Variants in WDR81 observed in about 807,000 individuals in gnomAD.
WDR81 encodes WD repeat-containing protein 81.
Under a neutral mutation model 140.8 loss-of-function variants are expected in WDR81, and 92 were observed. The ratio of observed to expected loss-of-function variants is 0.65; its 90% CI spans 0.55 to 0.78. The LOEUF is 0.78. Ranked by LOEUF, WDR81 falls within the 30% of genes least tolerant of loss-of-function variation. The pLI is 0.00. For synonymous variants in WDR81, 1,183 were observed against 1,156.4 expected (o/e 1.02, Z -0.47); for missense variants, 2,502 against 2,636.4 (o/e 0.95, Z 1.12).
upstream of WDR81, among the ~76,000 whole-genome samples, chr17:1,722,347 CT>C (rs543901572): frequency 0.033 from 4,622 of 138,172 alleles, 74 homozygotes; most frequent in Non-Finnish European, 0.048. Context: ...TTTTCTCTCT[CT>C]TTTTTTTTTT....
chr17:1,732,381 T>C lies in WDR81; in HGVS notation c.4214T>C (p.Ile1405Thr). Reference protein sequence around the residue: ...TILCVKTISLIALICLRIGQE... With the variant: ...TILCVKTISLTALICLRIGQE... The stretch of plus-strand genomic sequence containing the variant: ...CTGTGTGTGAAAACCATCAGCCTCA[T>C]CGCCCTCATCTGCCTGCGCATTGGA... The change falls in exon 5 of 10, where the codon ATC becomes ACC. Residue 1405 changes from isoleucine (I) to threonine (T), a missense_variant. Physicochemically the swap from Ile to Thr is moderately conservative, Grantham distance 89. Transcript: ENST00000409644. The C allele has an allele frequency of 6.2e-7, 1 of 1,613,632 alleles. No individual in the cohort carries two copies. The highest frequency in any genetic ancestry group is 8.5e-7 in the Non-Finnish European group (1 of 1,180,024).
chr17:1,725,305 T>C lies in WDR81; in HGVS notation c.346T>C (p.Ser116Pro). ...EVHGLRKRRL[S>P]YPLGGGLPFE... Reference sequence around the variant, plus strand: ...GCATGGGCTGCGGAAGCGGAGACTGTCCTACCCTCTGGGCGGGGGCCTGCC... The same window carrying C: ...GCATGGGCTGCGGAAGCGGAGACTGCCCTACCCTCTGGGCGGGGGCCTGCC... The change falls in exon 1 of 10, where the codon TCC becomes CCC. Residue 116 changes from serine to proline, a missense_variant. Ser to Pro is a moderately conservative substitution (Grantham distance 74). Transcript: ENST00000409644. 6.5e-7 allele frequency: 1 copy of C among 1,548,212 alleles called. No individual in the cohort carries two copies. The highest frequency in any genetic ancestry group is 2.0e-5 in the Admixed American group (1 of 51,014).
chr17:1,736,190 C>T lies in WDR81; in HGVS notation c.5477C>T (p.Ala1826Val), dbSNP rs780051097. Residue 1826 changes from alanine (A) to valine (V), a missense_variant, in exon 9 of 10, where the codon GCC becomes GTC. Ala to Val is a moderately conservative substitution (Grantham distance 64, BLOSUM62 0). Transcript: ENST00000409644. Reference sequence around the variant, plus strand: ...GGCCTGGTTCTGCGAGGCTGGCCAGCCCACGAGGGGGACATTCTGCAGATC... The same window carrying T: ...GGCCTGGTTCTGCGAGGCTGGCCAGTCCACGAGGGGGACATTCTGCAGATC... ...RTGLVLRGWPAHEGDILQIKA... is the reference protein window; with the variant it reads ...RTGLVLRGWPVHEGDILQIKA... The T allele has an allele frequency of 6.3e-7, 1 of 1,598,816 alleles. No homozygotes were observed. The highest frequency in any genetic ancestry group is 8.5e-7 in the Non-Finnish European group (1 of 1,179,554).
upstream of WDR81, among the ~76,000 whole-genome samples, chr17:1,723,457 T>TTTTTTTTATTTATTTA: frequency 7.7e-6 from 1 of 130,538 alleles, no homozygotes; most frequent in East Asian, 2.1e-4. Flanking sequence ...ATTTATTTAT[T>TTTTTTTTATTTATTTA]TTTATTTATT....
chr17:1,730,817 A>G lies in WDR81; in HGVS notation c.3838A>G (p.Ile1280Val), dbSNP rs1351563513. The change falls in exon 3 of 10, where the codon ATC (isoleucine) becomes GTC (valine). Residue 1280 changes from isoleucine (I) to valine (V), a missense_variant. Around this residue, in one of 3 missense-constraint regions of WDR81, gnomAD observed 1,737 missense variants for 1,843.0 expected, o/e 0.94. Transcript: ENST00000409644. ...GAGCCCACCGCTGAGCGCCGGCAACATCTACCAGAAGAGGCCGGTCCTGGG... is the reference window on the plus strand; with the variant it reads ...GAGCCCACCGCTGAGCGCCGGCAACGTCTACCAGAAGAGGCCGGTCCTGGG... ...GESPPLSAGN[I>V]YQKRPVLGDI... 43 of 1,612,482 alleles carry G rather than the reference A, an allele frequency of 2.7e-5. No homozygotes were observed. Among genetic ancestry groups the G allele is most frequent in the Non-Finnish European group, 2.9e-5 (34 of 1,179,948 alleles).
chr17:1,733,412 C>A, intron 6 of WDR81, 115 bp from the exon 7 acceptor site: 2 of 1,055,180 alleles, frequency 1.9e-6, no homozygotes, highest in Non-Finnish European at 2.7e-6. Context: ...AGTTACTTGC[C>A]CAGAGTTGCA....
At chr17:1,736,498 T>C (rs780709784) in intron 9 of WDR81, among the ~76,000 whole-genome samples, 10 of 152,136 alleles carry the variant, frequency 6.6e-5, no homozygotes, top group Non-Finnish European at 1.2e-4. Flanking sequence ...ATGGCGATGT[T>C]CTAATGAGTA....
At chr17:1,719,903 G>A (rs541916134), upstream of WDR81, among the ~76,000 whole-genome samples, 1 of 151,938 alleles carries the variant, frequency 6.6e-6, no homozygotes, top group African/African-American at 2.4e-5. Flanking sequence ...AGGAGGCCGA[G>A]GCAGAGGTTG....
rs987781704 is a variant in WDR81 at position 1,727,126 on chromosome 17, G to A, written c.2167G>A (p.Glu723Lys). Reference sequence around the variant, plus strand: ...TGAGGAGGGGAGGATTCTTCTTCCCGAGGGCTTCAATCCCATGCAGGCCCT... The same window carrying A: ...TGAGGAGGGGAGGATTCTTCTTCCCAAGGGCTTCAATCCCATGCAGGCCCT... ...EGEEGRILLPEGFNPMQALEE... is the reference protein window; with the variant it reads ...EGEEGRILLPKGFNPMQALEE... The change falls in exon 1 of 10, where the codon GAG becomes AAG. Residue 723 changes from glutamate to lysine, a missense_variant. Glu to Lys is a moderately conservative substitution (Grantham distance 56). Transcript: ENST00000409644. The A allele has an allele frequency of 2.5e-5, 38 of 1,546,822 alleles. No individual in the cohort carries two copies. Among genetic ancestry groups the A allele is most frequent in the African/African-American group, 4.1e-5 (3 of 72,880 alleles).
rs569635762 is a variant in WDR81 at position 1,728,479 on chromosome 17, G to C, written c.3520G>C (p.Glu1174Gln). The change falls in exon 1 of 10, where the codon GAG (glutamate) becomes CAG (glutamine). Residue 1174 changes from glutamate to glutamine, a missense_variant. Coordinates refer to ENST00000409644, the MANE Select transcript of WDR81 (RefSeq NM_001163809.2). ...VLEEEEGEQE[E>Q]VTGASELTLS... ...AGAGGAGGAGGAGGGGGAGCAGGAG[G>C]AGGTCACCGGGGCATCTGAGCTCAC... 6.2e-7 allele frequency: 1 copy of C among 1,605,852 alleles called. No individual in the cohort carries two copies. The highest frequency in any genetic ancestry group is 2.2e-5 in the East Asian group (1 of 44,592).
chr17:1,728,503 ACT>A lies in WDR81; in HGVS notation c.3547_3548del (p.Leu1183ValfsTer2), dbSNP rs1262654933. 1 of 1,588,272 alleles carries A rather than the reference ACT, an allele frequency of 6.3e-7. No homozygotes were observed. The highest frequency in any genetic ancestry group is 1.8e-5 in the Admixed American group (1 of 54,916). ...QEEVTGASEL[T>X]LSDTVLSMET... is the part of the protein sequence containing the mutation. ...GGAGGTCACCGGGGCATCTGAGCTC[ACT>A]CTGTCTGACACGGTGCTGTCCATGG... is the stretch of plus-strand genomic sequence containing the variant. On this transcript the variant is annotated frameshift_variant, in exon 1 of 10. Transcript: ENST00000409644. LOFTEE classifies it high-confidence loss of function.
At chr17:1,733,149 T>G (rs1345553267) in intron 6 of WDR81, among the ~76,000 whole-genome samples, 4 of 152,106 alleles carry the variant, frequency 2.6e-5, no homozygotes, top group South Asian at 2.1e-4. Context: ...GCTTCCCCTC[T>G]GGGCCCTGCA....
chr17:1,727,064 G>T lies in WDR81; in HGVS notation c.2105G>T (p.Arg702Leu). Residue 702 changes from arginine to leucine, a missense_variant, in exon 1 of 10, where the codon CGC becomes CTC. Transcript: ENST00000409644. ...GTGGCCTCAGCCTCCCGTCCAGGCC[G>T]CAGGAATAAAGCTGCTGGGGCAGAC... is the stretch of plus-strand genomic sequence containing the variant. ...FSVASASRPG[R>L]RNKAAGADPG... is the part of the protein sequence containing the mutation. 2 of 1,550,120 alleles carry T rather than the reference G, an allele frequency of 1.3e-6. No individual in the cohort carries two copies. The highest frequency in any genetic ancestry group is 2.4e-5 in the East Asian group (1 of 40,930).
At chr17:1,732,542 G>A (rs980523631) in intron 5 of WDR81, 52 bp downstream of exon 5, 10 of 1,596,594 alleles carry the variant, frequency 6.3e-6, no homozygotes, top group African/African-American at 1.3e-5. Context: ...TGTGGACCTG[G>A]GTGACCCCCT....
chr17:1,718,588 T>C (rs961151911), intron 1 of WDR81, among the ~76,000 whole-genome samples: 3 of 152,180 alleles, frequency 2.0e-5, no homozygotes, highest in Non-Finnish European at 4.4e-5. Context: ...CGTCTTTGGC[T>C]GGGAAGTGCT....
intron 9 of WDR81, 58 bp from the exon 10 acceptor site, chr17:1,737,307 G>T: frequency 6.6e-7 from 1 of 1,507,264 alleles, no homozygotes; most frequent in Admixed American, 2.1e-5. Context: ...AGGCCTTGGG[G>T]CCCAAGGGTA....
In WDR81 at chr17:1,726,522, C is replaced by T. The variant is rs957768617; in HGVS notation, c.1563C>T (p.Ser521=). ...DLDVPAWCSS[S]QEFVAAHRAL... ...ATGTGCCAGCCTGGTGCAGCTCCAG[C>T]CAGGAGTTCGTAGCTGCCCACCGAG... Residue 521 remains serine, a synonymous_variant, in exon 1 of 10, where the codon AGC becomes AGT. Coordinates refer to ENST00000409644, the MANE Select transcript of WDR81 (RefSeq NM_001163809.2). 1 of 1,550,438 alleles carries T rather than the reference C, an allele frequency of 6.4e-7. No individual in the cohort carries two copies. Among genetic ancestry groups the T allele is most frequent in the African/African-American group, 1.4e-5 (1 of 73,146 alleles).
At chr17:1,732,076 A>G (rs1300362659) in intron 4 of WDR81, among the ~76,000 whole-genome samples, 1 of 152,178 alleles carries the variant, frequency 6.6e-6, no homozygotes, top group Non-Finnish European at 1.5e-5. Context: ...TCTACTAAAA[A>G]TACAAAAAAA....
chr17:1,725,932 G>A lies in WDR81; in HGVS notation c.973G>A (p.Gly325Ser), dbSNP rs568438344. Residue 325 changes from glycine to serine, a missense_variant, in exon 1 of 10, where the codon GGC (glycine) becomes AGC (serine). By Grantham distance (56) the Gly-to-Ser change is moderately conservative (BLOSUM62 0). Around this residue, in one of 3 missense-constraint regions of WDR81, gnomAD observed 547 missense variants for 513.8 expected, o/e 1.06. Coordinates refer to ENST00000409644, the MANE Select transcript of WDR81 (RefSeq NM_001163809.2). ...GGCCCCTGTGGCAAGGGATGAGGCG[G>A]GCATTGTGTCTCAAGAGGAGCAGGG... is the stretch of plus-strand genomic sequence containing the variant. ...EEAPVARDEA[G>S]IVSQEEQGGQ... 6.4e-7 allele frequency: 1 copy of A among 1,550,818 alleles called. No individual in the cohort carries two copies. Among genetic ancestry groups the A allele is most frequent in the Non-Finnish European group, 8.7e-7 (1 of 1,146,972 alleles).
Sources: gnomAD v4.1 joint callset for allele counts (sites outside exome capture counted in the v4.1 genomes callset) on GRCh38, gnomAD v4.1.1 for gene constraint, gnomAD v4.1.1 regional missense constraint, MANE v1.5 for transcripts, NCBI Gene and HGNC (gene_info 2026-07-23, HGNC 2026-07-21) for gene names.